The following COG4 variants were observed in gnomAD, a reference collection of about 807,000 sequenced individuals.
The protein encoded by COG4 is conserved oligomeric Golgi complex subunit 4.
A neutral mutation model predicts 95.1 loss-of-function variants in COG4; 65 were observed. The ratio of observed to expected loss-of-function variants is 0.68; its 90% CI spans 0.56 to 0.84. The LOEUF is 0.84. COG4 is among the 40% of genes least tolerant of loss of function. COG4 has a pLI of 0.00. For missense variants in COG4, 1,045 were observed against 989.1 expected, an observed-to-expected ratio of 1.06 and a Z score of -0.76; for synonymous variants, 421 against 374.8, an observed-to-expected ratio of 1.12 and a Z score of -1.42.
intron 3 of COG4, among the ~76,000 whole-genome samples, chr16:70,516,956 G>A (rs775334518): frequency 3.2e-4 from 49 of 152,070 alleles, no homozygotes; most frequent in Admixed American, 7.2e-4. Context: ...GTAGAGACAC[G>A]GCTTCGCCAT....
intron 8 of COG4, among the ~76,000 whole-genome samples, chr16:70,504,971 T>G (rs1018039425): frequency 6.6e-6 from 1 of 152,032 alleles, no homozygotes; most frequent in African/African-American, 2.4e-5. Flanking sequence ...AACCTTGGAT[T>G]AAATGATTTA....
In COG4 at chr16:70,514,437, T is replaced by C; in HGVS notation, c.442A>G (p.Thr148Ala). 1 of 1,614,054 alleles carries C rather than the reference T, an allele frequency of 6.2e-7. No individual in the cohort carries two copies. The highest frequency in any genetic ancestry group is 8.5e-7 in the Non-Finnish European group (1 of 1,179,920). ...DLKFCMDGVQ[T>A]ALRSEDYEQA... is the part of the protein sequence containing the mutation. ...TCATAATCTTCACTCCTCAAAGCAG[T>C]CTGAACTCCATCCATGCAGAACTTC... The change falls in exon 4 of 19, where the codon ACT becomes GCT. Residue 148 changes from threonine (T) to alanine (A), a missense_variant. Thr to Ala is a moderately conservative substitution (Grantham distance 58). Coordinates refer to ENST00000323786, the MANE Select transcript of COG4 (RefSeq NM_015386.3).
chr16:70,506,826 G>C (rs1052965322), intron 8 of COG4, among the ~76,000 whole-genome samples: 3 of 151,878 alleles, frequency 2.0e-5, no homozygotes, highest in African/African-American at 7.3e-5. Context: ...TAAAATTTTA[G>C]GATAGTAGTT....
Position 70,523,554 on chromosome 16 carries a change from C to G in COG4, c.-11G>C. Reference sequence around the variant, plus strand: ...CATCTTGGTCCCCATTCGGCACTTCCGGTCCCGCGAGGCCCCCTCTTCGTT... The same window carrying G: ...CATCTTGGTCCCCATTCGGCACTTCGGGTCCCGCGAGGCCCCCTCTTCGTT... On this transcript the variant is annotated 5_prime_UTR_variant, in exon 1 of 19. Transcript: ENST00000323786. 2 of 1,613,544 alleles carry G rather than the reference C, an allele frequency of 1.2e-6. No individual in the cohort carries two copies. The highest frequency in any genetic ancestry group is 1.7e-6 in the Non-Finnish European group (2 of 1,180,002).
At position 70,523,503 on chromosome 16, in the gene COG4, A is replaced by G. The variant is rs200844029; in HGVS notation, c.41T>C (p.Leu14Pro). 2.4e-4 allele frequency: 387 copies of G among 1,613,902 alleles called. No homozygotes were observed. The highest frequency in any genetic ancestry group is 3.0e-4 in the Non-Finnish European group (349 of 1,180,024). Residue 14 changes from leucine (L) to proline (P), a missense_variant, in exon 1 of 19, where the codon CTG becomes CCG. Transcript: ENST00000323786. The stretch of plus-strand genomic sequence containing the variant: ...CTCAGACGGCTGCTGCACCCCTGAC[A>G]GCTTCGGAGGCGAATCAAGGTCCGC... ...KMADLDSPPKLSGVQQPSEGV... is the reference protein window; with the variant it reads ...KMADLDSPPKPSGVQQPSEGV...
At chr16:70,506,119 G>T (rs1281501271) in intron 8 of COG4, among the ~76,000 whole-genome samples, 1 of 151,960 alleles carries the variant, frequency 6.6e-6, no homozygotes, top group East Asian at 1.9e-4. Flanking sequence ...CATCTCAGCC[G>T]GGTGCGGTGG....
intron 3 of COG4, among the ~76,000 whole-genome samples, chr16:70,516,478 A>G (rs2049825700): frequency 6.6e-6 from 1 of 151,988 alleles, no homozygotes; most frequent in African/African-American, 2.4e-5. Context: ...TTGTATTTTT[A>G]GTACAGATGG....
intron 16 of COG4, 44 bp downstream of exon 16, chr16:70,482,048 G>A: frequency 2.6e-6 from 4 of 1,528,072 alleles, no homozygotes; most frequent in Non-Finnish European, 3.6e-6. Context: ...GGTTTGGGCT[G>A]ACGTGGGTAA....
At chr16:70,484,068 GTCAA>G in intron 13 of COG4, 99 bp from the exon 14 acceptor site, 2 of 898,312 alleles carry the variant, frequency 2.2e-6, no homozygotes, top group Non-Finnish European at 3.7e-6. Context: ...GCTATGGCCT[GTCAA>G]GAGCCCGGAT....
chr16:70,484,039 A>G, intron 13 of COG4, 70 bp from the exon 14 acceptor site: 1 of 1,105,650 alleles, frequency 9.0e-7, no homozygotes, highest in Non-Finnish European at 1.4e-6. Context: ...GCCACCAGCC[A>G]GTTCTACTCC....
At position 70,492,964 on chromosome 16, in the gene COG4, C is replaced by CA. The variant is rs201335502; in HGVS notation, c.1648-2573dup. Among the ~76,000 whole-genome samples the CA allele has an allele frequency of 6.3e-3, 925 of 146,662 alleles. 10 individuals are homozygous for CA. The highest frequency in any genetic ancestry group is 0.022 in the African/African-American group (863 of 40,104). Reference sequence around the variant, plus strand: ...GGCAACAAGAACGAAACTCCATCTCCAAAAAAAAAAGTAGCATGGGGCAAA... The same window carrying CA: ...GGCAACAAGAACGAAACTCCATCTCCAAAAAAAAAAAGTAGCATGGGGCAAA... On this transcript the variant is annotated intron_variant, in intron 12 of 18. Coordinates refer to ENST00000323786, the MANE Select transcript of COG4 (RefSeq NM_015386.3).
intron 12 of COG4, among the ~76,000 whole-genome samples, chr16:70,493,782 T>A (rs1466711258): frequency 2.6e-5 from 4 of 151,700 alleles, no homozygotes; most frequent in South Asian, 2.1e-4. Flanking sequence ...GAATGCCACA[T>A]GAGCACAGCT....
chr16:70,513,631 C>T (rs1389460494), intron 4 of COG4, among the ~76,000 whole-genome samples: 1 of 152,184 alleles, frequency 6.6e-6, no homozygotes, highest in Non-Finnish European at 1.5e-5. Flanking sequence ...TGGCCTCTCT[C>T]TTAAAATATC....
At chr16:70,522,526 G>A (rs1024825550) in intron 1 of COG4, among the ~76,000 whole-genome samples, 1 of 152,174 alleles carries the variant, frequency 6.6e-6, no homozygotes, top group African/African-American at 2.4e-5. Flanking sequence ...TAGAGTTAGT[G>A]CAAGTTTATA....
At chr16:70,511,573 C>A (rs1025207125) in intron 5 of COG4, among the ~76,000 whole-genome samples, 9 of 151,566 alleles carry the variant, frequency 5.9e-5, no homozygotes, top group African/African-American at 2.2e-4. Flanking sequence ...AATTGCAACG[C>A]ATGGTGGCAT....
In COG4 at chr16:70,482,487, G is replaced by A. The variant is rs11864184; in HGVS notation, c.1920+242C>T. 7,452 of 610,424 alleles carry A rather than the reference G, an allele frequency of 0.012. 429 individuals are homozygous for A. The highest frequency in any genetic ancestry group is 0.12 in the African/African-American group (6,591 of 54,180). 37.8% of individuals were successfully genotyped at this position (610,424 alleles called of 1,614,324 possible). On this transcript the variant is annotated intron_variant, in intron 15 of 18. Coordinates refer to ENST00000323786, the MANE Select transcript of COG4 (RefSeq NM_015386.3). ...AAACGCTTCTAAGTCTATCATAGGC[G>A]GGGCAAAAAGAGCTCCAATAAGGGA...
In COG4 at chr16:70,523,546, G is replaced by A. The variant is rs758969016; in HGVS notation, c.-3C>T. The A allele has an allele frequency of 6.2e-7, 1 of 1,613,568 alleles. No homozygotes were observed. Among genetic ancestry groups the A allele is most frequent in the Non-Finnish European group, 8.5e-7 (1 of 1,180,028 alleles). ...AGGTCCGCCATCTTGGTCCCCATTC[G>A]GCACTTCCGGTCCCGCGAGGCCCCC... On this transcript the variant is annotated 5_prime_UTR_variant, in exon 1 of 19. Transcript: ENST00000323786.
At chr16:70,492,756 A>G (rs532368362) in intron 12 of COG4, among the ~76,000 whole-genome samples, 13 of 151,956 alleles carry the variant, frequency 8.6e-5, no homozygotes, top group Non-Finnish European at 1.8e-4. Flanking sequence ...TGAGGTCAGG[A>G]GTTCGAGACC....
At position 70,482,171 on chromosome 16, in the gene COG4, T is replaced by G; in HGVS notation, c.1925A>C (p.Glu642Ala). The change falls in exon 16 of 19, where the codon GAA becomes GCA. Residue 642 changes from glutamate to alanine, a missense_variant. Transcript: ENST00000323786. ...FSVSHNIEEE[E>A]FNDYEANDPW... ...GTCGTTGGCCTCATAGTCATTGAATTCTTCCTGTTGTCAGGAAGCAGGGCT... is the reference window on the plus strand; with the variant it reads ...GTCGTTGGCCTCATAGTCATTGAATGCTTCCTGTTGTCAGGAAGCAGGGCT... The G allele has an allele frequency of 6.2e-7, 1 of 1,610,518 alleles. No homozygotes were observed. The highest frequency in any genetic ancestry group is 8.5e-7 in the Non-Finnish European group (1 of 1,176,732).
Sources: allele counts gnomAD v4.1 joint callset (sites outside exome capture counted in the v4.1 genomes callset), GRCh38; gene constraint gnomAD v4.1.1; transcripts MANE v1.5; gene names NCBI Gene and HGNC (gene_info 2026-07-23, HGNC 2026-07-21).